VWF: variants seen among roughly 807,000 people sequenced by gnomAD.
VWF encodes von Willebrand factor, also known as Factor VIII related antigen.
In VWF, 176 loss-of-function variants were observed where a neutral mutation model predicts 308.6. The ratio of observed to expected loss-of-function variants is 0.57; its 90% CI spans 0.50 to 0.65. The LOEUF (loss-of-function observed/expected upper bound fraction) is 0.65. Ranked by LOEUF, VWF falls within the 30% of genes least tolerant of loss-of-function variation. The pLI, the probability that VWF is intolerant of heterozygous loss-of-function variation, is 0.00. For synonymous variants in VWF, 1,385 were observed against 1,443.4 expected, an observed-to-expected ratio of 0.96 and a Z score of 0.92; for missense variants, 3,146 against 3,648.2, an observed-to-expected ratio of 0.86 and a Z score of 3.55.
intron 22 of VWF, among the ~76,000 whole-genome samples, chr12:6,028,365 A>G (rs1016623247): frequency 2.0e-5 from 3 of 152,194 alleles, no homozygotes; most frequent in Admixed American, 6.5e-5. Flanking sequence ...TAAGAAACCT[A>G]AAGAAAAGTT....
chr12:6,062,281 G>A (rs1425343200), intron 13 of VWF, among the ~76,000 whole-genome samples: 1 of 152,040 alleles, frequency 6.6e-6, no homozygotes, highest in Non-Finnish European at 1.5e-5. Flanking sequence ...GGGTCAGAGT[G>A]GGATCAGTCC....
intron 47 of VWF, among the ~76,000 whole-genome samples, chr12:5,964,258 A>ACATACATACATG (rs1943367247): frequency 2.1e-5 from 3 of 146,086 alleles, no homozygotes; most frequent in African/African-American, 8.4e-5. Flanking sequence ...ATGCATACAT[A>ACATACATACATG]CATACATACA....
At chr12:6,099,420 G>A (rs187954210) in intron 5 of VWF, among the ~76,000 whole-genome samples, 1 of 150,322 alleles carries the variant, frequency 6.7e-6, no homozygotes, top group East Asian at 2.0e-4. Context: ...ATCTGTACTT[G>A]TGGGAAAGCC....
chr12:5,975,785 GACCATTA>G (rs1943525982), intron 43 of VWF, among the ~76,000 whole-genome samples: 1 of 152,152 alleles, frequency 6.6e-6, no homozygotes, highest in Non-Finnish European at 1.5e-5. Flanking sequence ...CAACAGACGT[GACCATTA>G]GCCAAGGACT....
Position 5,981,988 on chromosome 12 carries a change from C to A in VWF, c.7085G>T (p.Cys2362Phe), listed in dbSNP as rs61750630. 4 of 1,613,530 alleles carry A rather than the reference C, an allele frequency of 2.5e-6. No individual in the cohort carries two copies. Among genetic ancestry groups the A allele is most frequent in the Non-Finnish European group, 3.4e-6 (4 of 1,179,966 alleles). The change falls in exon 42 of 52, where the codon TGC becomes TTC. Residue 2362 changes from cysteine to phenylalanine, a missense_variant. Cys to Phe is a radical substitution (Grantham distance 205). Transcript: ENST00000261405. ...GECRPNFTCA[C>F]RKEECKRVSP... ...CACTCTTTTGCACTCCTCCTTCCTG[C>A]AGGCTGAGGGTAGGACAAGGCCACA...
Position 5,971,596 on chromosome 12 carries a change from T to C in VWF, c.7548+3A>G. 1 of 1,613,432 alleles carries C rather than the reference T, an allele frequency of 6.2e-7. No homozygotes were observed. The highest frequency in any genetic ancestry group is 8.5e-7 in the Non-Finnish European group (1 of 1,179,434). Reference sequence around the variant, plus strand: ...CCTCCCCGTCCCGGGGGCCTGGACCTACACTCTTCCAGGAAGACTGGGAGT... The same window carrying C: ...CCTCCCCGTCCCGGGGGCCTGGACCCACACTCTTCCAGGAAGACTGGGAGT... On this transcript the variant is annotated splice_donor_region_variant and intron_variant, in intron 44 of 51. Coordinates refer to ENST00000261405, the MANE Select transcript of VWF (RefSeq NM_000552.5).
At position 5,981,833 on chromosome 12, in the gene VWF, C is replaced by A. The variant is rs754853953; in HGVS notation, c.7240G>T (p.Ala2414Ser). The change falls in exon 42 of 52, where the codon GCC (alanine) becomes TCC (serine). Residue 2414 changes from alanine to serine, a missense_variant. By Grantham distance (99) the Ala-to-Ser change is moderately conservative. Transcript: ENST00000261405. ...SCPLGYLAST[A>S]TNDCGCTTTT... ...GTGGTACAGCCACAGTCATTGGTGG[C>A]AGTTGAGGCCAAGTACCCAAGGGGA... The A allele has an allele frequency of 6.2e-6, 10 of 1,613,456 alleles. No homozygotes were observed. The highest frequency in any genetic ancestry group is 8.5e-6 in the Non-Finnish European group (10 of 1,179,804).
chr12:6,032,753 C>G (rs576483535), intron 20 of VWF, among the ~76,000 whole-genome samples: 1 of 152,090 alleles, frequency 6.6e-6, no homozygotes, highest in South Asian at 2.1e-4. Context: ...CACATACACC[C>G]AAATACACAC....
At chr12:6,009,382 C>T (rs1943966780) in intron 34 of VWF, among the ~76,000 whole-genome samples, 1 of 150,966 alleles carries the variant, frequency 6.6e-6, no homozygotes, top group South Asian at 2.1e-4. Context: ...AAATCAAAAC[C>T]ATAATGAGGT....
In VWF at chr12:6,060,113, G is replaced by A. The variant is rs191425207; in HGVS notation, c.1534-2069C>T. 3.3e-5 allele frequency among the ~76,000 whole-genome samples: 5 copies of A among 152,006 alleles called. No individual in the cohort carries two copies. The highest frequency in any genetic ancestry group is 2.1e-4 in the South Asian group (1 of 4,776). On this transcript the variant is annotated intron_variant, in intron 13 of 51. Coordinates refer to ENST00000261405, the MANE Select transcript of VWF (RefSeq NM_000552.5). The surrounding 1 kb of genome is among the most constrained non-coding windows in gnomAD (Gnocchi z 5.1). ...CGGCCAGGGTTAGGAGAGTGGGGGC[G>A]ACACTTAGAGACTCTCTTAGTGTCA...
At chr12:5,991,705 G>A (rs142923882) in intron 38 of VWF, 114 bp downstream of exon 38, 105 of 1,149,808 alleles carry the variant, frequency 9.1e-5, no homozygotes, top group Admixed American at 1.6e-4. Flanking sequence ...AATGATCCCC[G>A]TAAGAGTCAA....
intron 20 of VWF, among the ~76,000 whole-genome samples, chr12:6,033,076 A>G (rs2136428892): frequency 6.6e-6 from 1 of 152,372 alleles, no homozygotes; most frequent in South Asian, 2.1e-4. Flanking sequence ...ACATATGTCC[A>G]TACAACACAC....
At chr12:6,041,606 G>A (rs1482456443) in intron 18 of VWF, among the ~76,000 whole-genome samples, 4 of 151,600 alleles carry the variant, frequency 2.6e-5, no homozygotes, top group South Asian at 2.1e-4. Flanking sequence ...CCGCCACCAC[G>A]CCCAGCTAAT....
Position 5,983,190 on chromosome 12 carries a change from T to C in VWF, c.7041A>G (p.Thr2347=), listed in dbSNP as rs754701092. ...GTCTGCACTCGCCAGGGTTGGTCAGTGTGGGCTGGAGGCCACGTTCACAGT... is the reference window on the plus strand; with the variant it reads ...GTCTGCACTCGCCAGGGTTGGTCAGCGTGGGCTGGAGGCCACGTTCACAGT... The part of the protein sequence containing the change: ...VPHCERGLQP[T]LTNPGECRPN... The change falls in exon 41 of 52, where the codon ACA becomes ACG. Residue 2347 remains threonine, a synonymous_variant. Transcript: ENST00000261405. 8.7e-6 allele frequency: 14 copies of C among 1,613,992 alleles called. No homozygotes were observed. The South Asian group carries it at 1.5e-4, about 18-fold the overall frequency.
intron 24 of VWF, 77 bp from the exon 25 acceptor site, chr12:6,023,864 T>C (rs1944161518): frequency 1.9e-6 from 3 of 1,544,224 alleles, no homozygotes; most frequent in Admixed American, 1.9e-5. Flanking sequence ...GGTGCAAATG[T>C]TCTGATGGTC....
intron 6 of VWF, among the ~76,000 whole-genome samples, chr12:6,092,632 T>TGAGAGA (rs1430723950): frequency 3.0e-5 from 2 of 66,014 alleles, no homozygotes; most frequent in African/African-American, 1.1e-4. Context: ...TGTGTGTGTG[T>TGAGAGA]GTGTGTGTGT....
intron 50 of VWF, among the ~76,000 whole-genome samples, chr12:5,951,192 G>C (rs1161358187): frequency 1.3e-5 from 2 of 152,158 alleles, no homozygotes; most frequent in Non-Finnish European, 2.9e-5. Flanking sequence ...AAGCATGTAT[G>C]GGAAGAACAC....
chr12:6,013,426 G>C, intron 32 of VWF, 55 bp downstream of exon 32: 1 of 1,607,170 alleles, frequency 6.2e-7, no homozygotes, highest in Non-Finnish European at 8.5e-7. Flanking sequence ...TTCTTTGGCG[G>C]GTTTATTTTG....
chr12:6,057,496 T>TTATTAC (rs1944595808), intron 14 of VWF, among the ~76,000 whole-genome samples: 1 of 140,062 alleles, frequency 7.1e-6, no homozygotes, highest in Non-Finnish European at 1.5e-5. Context: ...ATTATTATTA[T>TTATTAC]TATTATTATT....
Sources: gnomAD v4.1 joint callset for allele counts (sites outside exome capture counted in the v4.1 genomes callset) on GRCh38, gnomAD v4.1.1 for gene constraint, Gnocchi (gnomAD v3.1) non-coding constraint, MANE v1.5 for transcripts, NCBI Gene and HGNC (gene_info 2026-07-23, HGNC 2026-07-21) for gene names.